MACF1: variants seen among roughly 807,000 people sequenced by gnomAD.
MACF1 encodes the protein microtubule actin crosslinking factor 1.
A neutral mutation model predicts 854.8 loss-of-function variants in MACF1; 193 were observed. The ratio of observed to expected loss-of-function variants is 0.23; its 90% CI spans 0.20 to 0.25. The LOEUF (loss-of-function observed/expected upper bound fraction) is 0.25, where lower values mean the gene tolerates loss of function less well. MACF1 is among the 10% of genes least tolerant of loss of function. The pLI is 1.00. For missense variants in MACF1, 7,722 were observed against 8,929.1 expected, an observed-to-expected ratio of 0.86 and a Z score of 5.45; for synonymous variants, 3,185 against 3,226.7, an observed-to-expected ratio of 0.99 and a Z score of 0.44.
chr1:39,340,882 A>T lies in MACF1; in HGVS notation c.10510A>T (p.Ile3504Phe). Residue 3504 changes from isoleucine (I) to phenylalanine (F), a missense_variant, in exon 40 of 101, where the codon ATT becomes TTT. Ile to Phe is a conservative substitution (Grantham distance 21). Coordinates refer to ENST00000564288, the MANE Select transcript of MACF1 (RefSeq NM_001394062.1). ...AGCCTGGGTTGGCAATAAAAATCTT[A>T]TTCTGAACAGCAAGGGATCTAACAG... Reference protein sequence around the residue: ...LRAWVGNKNLILNSKGSNSEI... With the variant: ...LRAWVGNKNLFLNSKGSNSEI... The T allele has an allele frequency of 6.2e-7, 1 of 1,614,074 alleles. No individual in the cohort carries two copies. The highest frequency in any genetic ancestry group is 8.5e-7 in the Non-Finnish European group (1 of 1,179,926).
intron 2 of MACF1, among the ~76,000 whole-genome samples, chr1:39,137,577 G>C (rs1021641310): frequency 1.3e-5 from 2 of 152,176 alleles, no homozygotes; most frequent in African/African-American, 4.8e-5. Flanking sequence ...TATTGCCCAG[G>C]CTGGTCTCAA....
chr1:39,128,930 T>C (rs1311372404), intron 2 of MACF1, among the ~76,000 whole-genome samples: 1 of 152,226 alleles, frequency 6.6e-6, no homozygotes, highest in African/African-American at 2.4e-5. Context: ...TATTTTATTA[T>C]TTGTTATTTA....
chr1:39,335,360 G>A lies in MACF1; in HGVS notation c.8772G>A (p.Lys2924=), dbSNP rs758702643. ...AAATAGAAATTATTTCTCATATGAAGCAGTCTACCTCATGTCTAGATTCTG... is the reference window on the plus strand; with the variant it reads ...AAATAGAAATTATTTCTCATATGAAACAGTCTACCTCATGTCTAGATTCTG... ...VTKIEIISHM[K]QSTSCLDSEE... Residue 2924 remains lysine (K), a synonymous_variant, in exon 37 of 101, where the codon AAG becomes AAA. Coordinates refer to ENST00000564288, the MANE Select transcript of MACF1 (RefSeq NM_001394062.1). 6.2e-7 allele frequency: 1 copy of A among 1,613,658 alleles called. No individual in the cohort carries two copies. The highest frequency in any genetic ancestry group is 1.1e-5 in the South Asian group (1 of 91,046).
intron 2 of MACF1, among the ~76,000 whole-genome samples, chr1:39,182,299 G>C (rs993078648): frequency 6.6e-6 from 1 of 151,994 alleles, no homozygotes; most frequent in African/African-American, 2.4e-5. Flanking sequence ...CTTGGATTAG[G>C]TAGTGGTTTC....
At chr1:39,179,719 G>A (rs1644079275) in intron 2 of MACF1, among the ~76,000 whole-genome samples, 1 of 152,084 alleles carries the variant, frequency 6.6e-6, no homozygotes, top group African/African-American at 2.4e-5. Context: ...ATATATTATA[G>A]TTTAAAGTTA....
At chr1:39,167,671 A>C (rs1403691512) in intron 2 of MACF1, among the ~76,000 whole-genome samples, 1 of 151,674 alleles carries the variant, frequency 6.6e-6, no homozygotes, top group African/African-American at 2.4e-5. Context: ...ATGCCATTGC[A>C]CTCCAGCCTG....
At chr1:39,207,356 C>T (rs1029539200) in intron 1 of MACF1, among the ~76,000 whole-genome samples, 2 of 151,460 alleles carry the variant, frequency 1.3e-5, no homozygotes, top group Admixed American at 1.3e-4. Context: ...TCCTGGCTCA[C>T]CGCAAGCTCC....
chr1:39,484,695 C>A lies in MACF1; in HGVS notation c.22376C>A (p.Ser7459Tyr), dbSNP rs762629319. The A allele has an allele frequency of 6.2e-7, 1 of 1,614,106 alleles. No homozygotes were observed. Among genetic ancestry groups the A allele is most frequent in the South Asian group, 1.1e-5 (1 of 91,076 alleles). Residue 7459 changes from serine (S) to tyrosine (Y), a missense_variant, in exon 100 of 101, where the codon TCC (serine) becomes TAC (tyrosine). Coordinates refer to ENST00000564288, the MANE Select transcript of MACF1 (RefSeq NM_001394062.1). ...GCTGGTGATACCAGCAATAGTTCTT[C>A]CCCGGCCTCCACAGGTGCCAAAACT... The part of the protein sequence containing the change: ...SLAGDTSNSS[S>Y]PASTGAKTNR...
intron 1 of MACF1, among the ~76,000 whole-genome samples, chr1:39,225,210 C>CTT (rs1553171310): frequency 5.7e-5 from 1 of 17,580 alleles, no homozygotes; most frequent in African/African-American, 1.3e-4. Context: ...GCAAATTTTT[C>CTT]TTTTTTCTTT....
rs374265556 is a variant in MACF1 at position 39,333,197 on chromosome 1, A to G, written c.6609A>G (p.Val2203=). ...KPQSKKLQVQ[V]KKTLGIKLEL... ...AAAGCAAAAAGTTACAAGTTCAGGT[A>G]AAGAAAACTCTAGGTATAAAGTTAG... Residue 2203 remains valine, a synonymous_variant, in exon 37 of 101, where the codon GTA becomes GTG. Coordinates refer to ENST00000564288, the MANE Select transcript of MACF1 (RefSeq NM_001394062.1). 27 of 1,612,440 alleles carry G rather than the reference A, an allele frequency of 1.7e-5. No homozygotes were observed. The highest frequency in any genetic ancestry group is 2.2e-5 in the Non-Finnish European group (26 of 1,179,734).
chr1:39,373,099 G>GTAC, intron 52 of MACF1: 1 of 166,958 alleles, frequency 6.0e-6, no homozygotes. Flanking sequence ...GAAGTCAGGA[G>GTAC]ATTGAGACCA....
At chr1:39,298,656 C>T in intron 21 of MACF1, 1 of 429,788 alleles carries the variant, frequency 2.3e-6, no homozygotes, top group Non-Finnish European at 4.6e-6. Context: ...TTTTTTTACA[C>T]TTTCAGGTAT....
At chr1:39,128,570 G>A (rs556519857) in intron 2 of MACF1, among the ~76,000 whole-genome samples, 22 of 152,156 alleles carry the variant, frequency 1.4e-4, no homozygotes, top group African/African-American at 5.1e-4. Context: ...GTGGTGGCGG[G>A]CGCCTGTAGT....
intron 84 of MACF1, among the ~76,000 whole-genome samples, chr1:39,450,614 T>TC (rs1305970966): frequency 2.1e-5 from 3 of 145,488 alleles, no homozygotes; most frequent in South Asian, 2.2e-4. Context: ...CTATTTCTTT[T>TC]TTTTTTTTTT....
chr1:39,458,911 G>A (rs995230084), intron 90 of MACF1, 175 bp from the exon 91 acceptor site: 6 of 608,474 alleles, frequency 9.9e-6, no homozygotes, highest in African/African-American at 1.9e-5. Flanking sequence ...GTGCTGGGAG[G>A]ATCAGTACTT....
rs137887503 is a variant in MACF1, at chr1:39,435,744, G to A, written c.17971G>A (p.Val5991Met). 9.9e-6 allele frequency: 16 copies of A among 1,613,956 alleles called. No individual in the cohort carries two copies. The highest frequency in any genetic ancestry group is 8.8e-5 in the South Asian group (8 of 91,082). Residue 5991 changes from valine to methionine, a missense_variant, in exon 70 of 101, where the codon GTG becomes ATG. Val to Met is a conservative substitution (Grantham distance 21, BLOSUM62 1). Around this residue, in one of 15 missense-constraint regions of MACF1, gnomAD observed 2,807 missense variants for 3,235.8 expected, o/e 0.87. Transcript: ENST00000564288. ...GCGAGCCCTGGCTCTGGATGAAGCC[G>A]TGTCCCAGTCCACACAGGTATGTGT... Reference protein sequence around the residue: ...RQRALALDEAVSQSTQFHDKI... With the variant: ...RQRALALDEAMSQSTQFHDKI...
chr1:39,159,049 T>G (rs938128456), intron 2 of MACF1, among the ~76,000 whole-genome samples: 1 of 152,188 alleles, frequency 6.6e-6, no homozygotes. Flanking sequence ...CTCCCTACCC[T>G]TTGTCCTTGC....
At position 39,340,409 on chromosome 1, in the gene MACF1, G is replaced by C. The variant is rs1421997277; in HGVS notation, c.10216-93G>C. 6 of 853,004 alleles carry C rather than the reference G, an allele frequency of 7.0e-6. No homozygotes were observed. The South Asian group carries it at 9.1e-5, about 13-fold the overall frequency. The allele number at this position is 853,004 out of a possible 1,614,324, so 52.8% of individuals were successfully genotyped here. On this transcript the variant is annotated intron_variant, in intron 38 of 100. Transcript: ENST00000564288. ...ACATTTTCTAAGCCCTAAAGTGTGT[G>C]TAGACATGGGGTGAGAGAGAAATGT...
chr1:39,327,218 G>C lies in MACF1; in HGVS notation c.4479G>C (p.Lys1493Asn). ...AAAGCTTTAATGCTTCATCTTCCAG[G>C]CTCTCAGAAAAAGAGAAGAAACAAA... Reference protein sequence around the residue: ...SQIFLAKHGHKLSEKEKKQIS... With the variant: ...SQIFLAKHGHNLSEKEKKQIS... Residue 1493 changes from lysine to asparagine, a missense_variant and splice_region_variant, in exon 36 of 101, where the codon AAG becomes AAC. Physicochemically the swap from Lys to Asn is moderately conservative, Grantham distance 94. Coordinates refer to ENST00000564288, the MANE Select transcript of MACF1 (RefSeq NM_001394062.1). 1 of 1,563,804 alleles carries C rather than the reference G, an allele frequency of 6.4e-7. No homozygotes were observed. Among genetic ancestry groups the C allele is most frequent in the Non-Finnish European group, 8.7e-7 (1 of 1,142,988 alleles).
Sources: allele counts gnomAD v4.1 joint callset (sites outside exome capture counted in the v4.1 genomes callset), GRCh38; gene constraint gnomAD v4.1.1; regional missense constraint gnomAD v4.1.1; transcripts MANE v1.5; gene names NCBI Gene and HGNC (gene_info 2026-07-23, HGNC 2026-07-21).